Variants in CELF2 observed in about 807,000 individuals in gnomAD.
CELF2 encodes the protein CUG triplet repeat RNA-binding protein 2.
Under a neutral mutation model 62.6 loss-of-function variants are expected in CELF2, and 8 were observed. The observed-to-expected ratio is 0.13, with a 90% CI of 0.07 to 0.23. CELF2 has a LOEUF of 0.23. CELF2 is among the 10% of genes least tolerant of loss of function. The pLI is 1.00. For synonymous variants in CELF2, 258 were observed against 250.0 expected (o/e 1.03, Z -0.30); for missense variants, 333 against 671.0 (o/e 0.50, Z 5.56).
At chr10:10,950,082 G>T (rs1320726497) in intron 2 of CELF2, among the ~76,000 whole-genome samples, 1 of 152,158 alleles carries the variant, frequency 6.6e-6, no homozygotes, top group Non-Finnish European at 1.5e-5. Flanking sequence ...CCTGATTCCT[G>T]AGTTTATCCC....
intron 2 of CELF2, among the ~76,000 whole-genome samples, chr10:10,988,271 G>A (rs932628145): frequency 5.0e-5 from 7 of 141,112 alleles, no homozygotes; most frequent in Admixed American, 2.0e-4. Context: ...ATATATATGT[G>A]TGTGTGTATA....
rs1185993155 is a variant in CELF2, at chr10:11,269,440, A to G, written c.619-1226A>G. ...GGAAAAAAATGCGTTTGTTTTCCAGAAAAGAGAAACATGACCCAAAGGGAA... is the reference window on the plus strand; with the variant it reads ...GGAAAAAAATGCGTTTGTTTTCCAGGAAAGAGAAACATGACCCAAAGGGAA... On this transcript the variant is annotated intron_variant, in intron 6 of 12. Transcript: ENST00000633077. This position sits in a 1 kb window ranked among gnomAD's most constrained non-coding sequence, Gnocchi z 4.4. 1.3e-5 allele frequency among the ~76,000 whole-genome samples: 2 copies of G among 152,230 alleles called. No individual in the cohort carries two copies. Among genetic ancestry groups the G allele is most frequent in the East Asian group, 1.9e-4 (1 of 5,204 alleles).
At chr10:11,187,085 G>C (rs983581990) in intron 2 of CELF2, among the ~76,000 whole-genome samples, 32 of 152,226 alleles carry the variant, frequency 2.1e-4, no homozygotes, top group African/African-American at 7.5e-4. Context: ...CAAATCTTCA[G>C]TATCTTTACT....
Position 10,943,270 on chromosome 10 carries a change from C to A in CELF2, c.89+23271C>A, listed in dbSNP as rs77243662. Among the ~76,000 whole-genome samples the A allele has an allele frequency of 9.6e-3, 1,464 of 152,306 alleles. 18 individuals carry two copies. Among genetic ancestry groups the A allele is most frequent in the African/African-American group, 0.033 (1,390 of 41,572 alleles). ...TGTGCAGCCAGCAATGAAACCTAGA[C>A]TGAACCTCTAGCGTTTGGTAAGAGT... On this transcript the variant is annotated intron_variant, in intron 2 of 13. Transcript: ENST00000636488.
the CELF2 span, among the ~76,000 whole-genome samples, chr10:10,483,025 C>T: frequency 1.1e-4 from 17 of 152,088 alleles, no homozygotes; most frequent in Non-Finnish European, 1.9e-4. Context: ...TCTTCTGCCT[C>T]CTTAAAGAGC....
chr10:10,887,611 T>C (rs1278372095), intron 1 of CELF2, among the ~76,000 whole-genome samples: 1 of 152,206 alleles, frequency 6.6e-6, no homozygotes, highest in East Asian at 1.9e-4. Context: ...TTGTAACCAC[T>C]TTTAGAATAT....
At chr10:10,676,184 C>A in the CELF2 span, among the ~76,000 whole-genome samples, 8 of 152,132 alleles carry the variant, frequency 5.3e-5, no homozygotes, top group African/African-American at 1.9e-4. Context: ...CCAAGTGTTT[C>A]TCATTTTATT....
chr10:11,225,316 C>T (rs548326729), intron 3 of CELF2, among the ~76,000 whole-genome samples: 4 of 152,326 alleles, frequency 2.6e-5, no homozygotes, highest in East Asian at 1.9e-4. Flanking sequence ...GTGCTGCCAT[C>T]CCCTCCTCCT....
intron 1 of CELF2, among the ~76,000 whole-genome samples, chr10:11,086,237 C>T (rs934043612): frequency 1.3e-5 from 2 of 152,018 alleles, no homozygotes; most frequent in African/African-American, 2.4e-5. Context: ...GAGGAGAGAG[C>T]GGAATCTCCC....
At chr10:10,891,107 G>C (rs574938516) in intron 1 of CELF2, among the ~76,000 whole-genome samples, 1 of 152,240 alleles carries the variant, frequency 6.6e-6, no homozygotes, top group East Asian at 1.9e-4. Context: ...TATGTTTAAA[G>C]TTATTTCCAG....
At chr10:10,904,381 C>T (rs890117988) in intron 1 of CELF2, among the ~76,000 whole-genome samples, 15 of 151,984 alleles carry the variant, frequency 9.9e-5, no homozygotes, top group African/African-American at 2.9e-4. Context: ...CATGTGTCAC[C>T]ATGCCTGATA....
At chr10:11,093,668 A>G (rs2048960390) in intron 1 of CELF2, among the ~76,000 whole-genome samples, 1 of 152,202 alleles carries the variant, frequency 6.6e-6, no homozygotes, top group South Asian at 2.1e-4. Flanking sequence ...AGCAATTTTG[A>G]TTCATCAGGG....
intron 1 of CELF2, among the ~76,000 whole-genome samples, chr10:10,801,455 G>T (rs1010324519): frequency 1.3e-5 from 2 of 152,238 alleles, no homozygotes; most frequent in Admixed American, 6.5e-5. Flanking sequence ...AAGAAGCAAA[G>T]ATAAAACACA....
intron 1 of CELF2, among the ~76,000 whole-genome samples, chr10:11,076,049 G>C (rs1056570953): frequency 6.6e-6 from 1 of 151,912 alleles, no homozygotes; most frequent in African/African-American, 2.4e-5. Flanking sequence ...TATTCAGAAG[G>C]AAAAACAAGT....
Position 11,275,044 on chromosome 10 carries a change from T to C in CELF2, c.778-13T>C. On this transcript the variant is annotated splice_polypyrimidine_tract_variant and intron_variant, in intron 7 of 12. Coordinates refer to ENST00000633077, the MANE Select transcript of CELF2 (RefSeq NM_001326342.2). ...TCACCGTCTCCACTTTGCCCTTGTG[T>C]GTTCATCCGCAGCTCCTGCAGCAGG... 1 of 1,613,966 alleles carries C rather than the reference T, an allele frequency of 6.2e-7. No homozygotes were observed.
chr10:11,187,941 C>A lies in CELF2; in HGVS notation c.271+22259C>A, dbSNP rs74115756. ...TAGTTAATACTTCCGTGCTCCGTTC[C>A]TTTGTGTAGATCCATATTTCCTTCT... On this transcript the variant is annotated intron_variant, in intron 2 of 12. Coordinates refer to ENST00000633077, the MANE Select transcript of CELF2 (RefSeq NM_001326342.2). Among the ~76,000 whole-genome samples, 166 of 152,262 alleles carry A rather than the reference C, an allele frequency of 1.1e-3. 1 individual carries two copies. Among genetic ancestry groups the A allele is most frequent in the African/African-American group, 3.9e-3 (162 of 41,552 alleles).
intron 1 of CELF2, among the ~76,000 whole-genome samples, chr10:10,831,769 C>T (rs1223119081): frequency 2.6e-5 from 4 of 152,152 alleles, no homozygotes; most frequent in South Asian, 4.1e-4. Flanking sequence ...GTCAGGAGTT[C>T]GAGACCAGCC....
the CELF2 span, among the ~76,000 whole-genome samples, chr10:10,751,526 T>C: frequency 6.6e-6 from 1 of 152,194 alleles, no homozygotes; most frequent in African/African-American, 2.4e-5. Context: ...ACCCAGATGG[T>C]GTTTTTTGCC....
At chr10:11,161,656 A>G (rs1469137598) in intron 1 of CELF2, among the ~76,000 whole-genome samples, 1 of 152,200 alleles carries the variant, frequency 6.6e-6, no homozygotes, top group East Asian at 1.9e-4. Flanking sequence ...CTCAATAAAT[A>G]TTATTTGAAT....
Sources: gnomAD v4.1 joint callset for allele counts (sites outside exome capture counted in the v4.1 genomes callset) on GRCh38, gnomAD v4.1.1 for gene constraint, Gnocchi (gnomAD v3.1) non-coding constraint, MANE v1.5 for transcripts, NCBI Gene and HGNC (gene_info 2026-07-23, HGNC 2026-07-21) for gene names.